Variants in SPATA6L observed in about 807,000 individuals in gnomAD.
The protein encoded by SPATA6L is spermatogenesis associated 6 like.
In SPATA6L, 68 loss-of-function variants were observed where a neutral mutation model predicts 49.2. The ratio of observed to expected loss-of-function variants is 1.38; its 90% CI spans 1.14 to 1.69. The LOEUF is 1.69. Among genes scored for constraint, SPATA6L ranks in the 40% most tolerant of loss-of-function variants. SPATA6L has a pLI of 0.00. For synonymous variants in SPATA6L, 198 were observed against 165.7 expected, an observed-to-expected ratio of 1.19 and a Z score of -1.50; for missense variants, 668 against 464.3, an observed-to-expected ratio of 1.44 and a Z score of -4.03.
chr9:4,640,676 G>C (rs1216443245), intron 3 of SPATA6L, among the ~76,000 whole-genome samples: 2 of 152,152 alleles, frequency 1.3e-5, no homozygotes, highest in African/African-American at 4.8e-5. Context: ...CTGGCACAGT[G>C]TAGATCATGT....
intron 4 of SPATA6L, chr9:4,633,821 C>T (rs1832177512): frequency 6.6e-6 from 1 of 152,238 alleles, no homozygotes; most frequent in East Asian, 1.9e-4. Context: ...AAAACCATTG[C>T]TATGGGAATT....
downstream of SPATA6L, among the ~76,000 whole-genome samples, chr9:4,595,602 AC>A (rs937926802): frequency 6.6e-6 from 1 of 151,972 alleles, no homozygotes; most frequent in African/African-American, 2.4e-5. Flanking sequence ...GCTTCATTAT[AC>A]TCTCCCCAGT....
chr9:4,632,034 C>CTTTTTTTTTT (rs905629115), intron 4 of SPATA6L, among the ~76,000 whole-genome samples: 3 of 113,018 alleles, frequency 2.7e-5, no homozygotes, highest in African/African-American at 3.6e-5. Context: ...ACATCAGCTA[C>CTTTTTTTTTT]TTTTTTTTTT....
chr9:4,632,026 A>G (rs947108304), intron 4 of SPATA6L, among the ~76,000 whole-genome samples: 1 of 148,986 alleles, frequency 6.7e-6, no homozygotes, highest in African/African-American at 2.5e-5. Context: ...CACAGTGAAC[A>G]TCAGCTACTT....
chr9:4,595,867 C>A (rs1822212869), downstream of SPATA6L, among the ~76,000 whole-genome samples: 1 of 152,170 alleles, frequency 6.6e-6, no homozygotes, highest in Admixed American at 6.5e-5. Flanking sequence ...TACTACTAAA[C>A]AGGAGTCAAA....
chr9:4,609,082 C>T (rs1826030081), intron 9 of SPATA6L, among the ~76,000 whole-genome samples: 2 of 150,894 alleles, frequency 1.3e-5, no homozygotes, highest in South Asian at 4.1e-4. Flanking sequence ...TACGCTCTCC[C>T]AAGACTAAAC....
chr9:4,601,827 TG>T (rs1298278717), intron 11 of SPATA6L, among the ~76,000 whole-genome samples: 1 of 152,222 alleles, frequency 6.6e-6, no homozygotes, highest in Non-Finnish European at 1.5e-5. Context: ...TGGCTCTGGC[TG>T]TCCTGTTCTA....
intron 3 of SPATA6L, among the ~76,000 whole-genome samples, chr9:4,642,308 G>C (rs1158472758): frequency 1.3e-5 from 2 of 152,110 alleles, no homozygotes; most frequent in African/African-American, 4.8e-5. Context: ...GGTCAAATAA[G>C]AATAAAAAAC....
At chr9:4,623,070 G>C (rs1829694145) in intron 6 of SPATA6L, among the ~76,000 whole-genome samples, 1 of 152,160 alleles carries the variant, frequency 6.6e-6, no homozygotes, top group South Asian at 2.1e-4. Flanking sequence ...ACCTGAGGTC[G>C]GGAGTTCAAG....
intron 3 of SPATA6L, among the ~76,000 whole-genome samples, chr9:4,635,860 G>A (rs921118795): frequency 5.9e-5 from 9 of 152,210 alleles, no homozygotes; most frequent in Middle Eastern, 3.4e-3. Flanking sequence ...TCTCAGCAGG[G>A]GTACCAACCC....
At chr9:4,592,071 T>C (rs963132840) in intron 13 of SPATA6L, among the ~76,000 whole-genome samples, 3 of 152,040 alleles carry the variant, frequency 2.0e-5, no homozygotes, top group African/African-American at 7.2e-5. Context: ...TCCCAGCACT[T>C]TGGGAGGCCG....
At chr9:4,641,973 T>A (rs10815050) in intron 3 of SPATA6L, among the ~76,000 whole-genome samples, 10,528 of 152,148 alleles carry the variant, frequency 0.069, 603 homozygotes, top group African/African-American at 0.14. Context: ...TCACCATGTT[T>A]CCCGGGCTGT....
At chr9:4,656,378 G>A (rs1413323031) in intron 2 of SPATA6L, among the ~76,000 whole-genome samples, 1 of 151,944 alleles carries the variant, frequency 6.6e-6, no homozygotes, top group African/African-American at 2.4e-5. Context: ...GACAGAGGTT[G>A]CAGGGAGCCG....
At chr9:4,613,057 A>G (rs1827146772) in intron 9 of SPATA6L, among the ~76,000 whole-genome samples, 1 of 151,866 alleles carries the variant, frequency 6.6e-6, no homozygotes. Flanking sequence ...GTGAAACCCC[A>G]TCTCTACTAA....
At chr9:4,656,772 G>A (rs1169015786) in intron 2 of SPATA6L, among the ~76,000 whole-genome samples, 5 of 152,144 alleles carry the variant, frequency 3.3e-5, no homozygotes, top group East Asian at 1.9e-4. Context: ...CAACCCCAGA[G>A]TGTTGTTTGA....
chr9:4,645,092 T>C (rs747277218), intron 3 of SPATA6L, among the ~76,000 whole-genome samples: 7 of 152,378 alleles, frequency 4.6e-5, no homozygotes, highest in Non-Finnish European at 8.8e-5. Context: ...TTGAATTTCA[T>C]ATAATTTTCA....
intron 10 of SPATA6L, among the ~76,000 whole-genome samples, chr9:4,604,877 C>T (rs1247398672): frequency 2.0e-5 from 3 of 152,112 alleles, no homozygotes; most frequent in Non-Finnish European, 4.4e-5. Context: ...AGAAGCACTC[C>T]CCATACCCCT....
At chr9:4,635,158 T>C (rs1413302454) in intron 4 of SPATA6L, 117 bp downstream of exon 4, 12 of 1,120,764 alleles carry the variant, frequency 1.1e-5, no homozygotes, top group Middle Eastern at 2.1e-4. Context: ...ACAGAGCTAC[T>C]AAACAGAACA....
In SPATA6L at chr9:4,618,907, AAG is replaced by A; in HGVS notation, c.773-11_773-10del. On this transcript the variant is annotated splice_polypyrimidine_tract_variant and intron_variant, in intron 7 of 11. Transcript: ENST00000682582. Reference sequence around the variant, plus strand: ...GCTGTCAAGAGAAGAAGCTAGAAGAAAGAGGAACAGGCATTTCAATGACTCAT... The same window carrying A: ...GCTGTCAAGAGAAGAAGCTAGAAGAAAGGAACAGGCATTTCAATGACTCAT... 3.1e-6 allele frequency: 5 copies of A among 1,613,280 alleles called. No individual in the cohort carries two copies. The highest frequency in any genetic ancestry group is 4.2e-6 in the Non-Finnish European group (5 of 1,179,378).
Sources: allele counts gnomAD v4.1 joint callset (sites outside exome capture counted in the v4.1 genomes callset), GRCh38; gene constraint gnomAD v4.1.1; transcripts MANE v1.5; gene names NCBI Gene and HGNC (gene_info 2026-07-23, HGNC 2026-07-21).